OCA2: variants seen among roughly 807,000 people sequenced by gnomAD.
OCA2 encodes P protein.
Under a neutral mutation model 100.2 loss-of-function variants are expected in OCA2, and 77 were observed. The ratio of observed to expected loss-of-function variants is 0.77; its 90% CI spans 0.64 to 0.93. The LOEUF is 0.93. OCA2 is among the 40% of genes least tolerant of loss of function. The pLI is 0.00. For synonymous variants in OCA2, 432 were observed against 439.2 expected (o/e 0.98, Z 0.21); for missense variants, 1,062 against 1,089.1 (o/e 0.98, Z 0.35).
chr15:27,865,640 G>A, intron 21 of OCA2, among the ~76,000 whole-genome samples: 1 of 152,262 alleles, frequency 6.6e-6, no homozygotes, highest in Non-Finnish European at 1.5e-5. Context: ...TTACTCTAAG[G>A]GTGTTTGGTT....
In OCA2 at chr15:27,986,615, G is replaced by A. The variant is rs144812594; in HGVS notation, c.1211C>T (p.Thr404Met). The change falls in exon 12 of 24, where the codon ACG becomes ATG. Residue 404 changes from threonine (T) to methionine (M), a missense_variant. Coordinates refer to ENST00000354638, the MANE Select transcript of OCA2 (RefSeq NM_000275.3). ...TACAGCACAATAATCGAAAAATCCC[G>A]TTTCTGAAAATATGGCTACTAAGAT... ...MMILVAIFSE[T>M]GFFDYCAVKA... The A allele has an allele frequency of 3.9e-5, 63 of 1,595,142 alleles. No individual in the cohort carries two copies. The African/African-American group carries it at 5.6e-4, about 14-fold the overall frequency.
chr15:27,927,968 T>C (rs539833914), intron 18 of OCA2, among the ~76,000 whole-genome samples: 1 of 152,018 alleles, frequency 6.6e-6, no homozygotes, highest in South Asian at 2.1e-4. Context: ...ATTTTTGTAT[T>C]TTCAGTAGAG....
At chr15:27,933,270 G>A (rs1008599861) in intron 18 of OCA2, among the ~76,000 whole-genome samples, 4 of 147,594 alleles carry the variant, frequency 2.7e-5, no homozygotes, top group African/African-American at 9.9e-5. Flanking sequence ...ACTTGGCAGT[G>A]ATTTCTAGGC....
At chr15:28,055,349 A>T (rs2043657685) in intron 2 of OCA2, among the ~76,000 whole-genome samples, 1 of 125,824 alleles carries the variant, frequency 7.9e-6, no homozygotes. Context: ...ATTTTTCCCC[A>T]AAACTTTTAT....
At chr15:27,881,518 T>C (rs2037014898) in intron 19 of OCA2, among the ~76,000 whole-genome samples, 1 of 152,080 alleles carries the variant, frequency 6.6e-6, no homozygotes, top group Non-Finnish European at 1.5e-5. Flanking sequence ...GGTAGGCTGT[T>C]AAATATTCAT....
chr15:28,012,838 T>C (rs1310928702), intron 9 of OCA2, among the ~76,000 whole-genome samples: 2 of 152,194 alleles, frequency 1.3e-5, no homozygotes, highest in African/African-American at 4.8e-5. Context: ...TTAAAGCACA[T>C]TGAATTTATT....
In OCA2 at chr15:27,979,866, G is replaced by C. The variant is rs567083327; in HGVS notation, c.1503+3479C>G. ...AAGCACGTGCCACCATGCCCAGCTAGTGTTTTTTTTTTTTTTTTTTTGGAT... is the reference window on the plus strand; with the variant it reads ...AAGCACGTGCCACCATGCCCAGCTACTGTTTTTTTTTTTTTTTTTTTGGAT... On this transcript the variant is annotated intron_variant, in intron 14 of 23. Coordinates refer to ENST00000354638, the MANE Select transcript of OCA2 (RefSeq NM_000275.3). 2.0e-3 allele frequency among the ~76,000 whole-genome samples: 206 copies of C among 100,662 alleles called. 1 individual carries two copies. The highest frequency in any genetic ancestry group is 6.2e-3 in the African/African-American group (196 of 31,654). The allele number at this position is 100,662 out of a possible 152,430, so 66.0% of individuals were successfully genotyped here. A position where few individuals can be genotyped will look rare whatever the true frequency, so the allele number is the denominator to read the frequency against.
In OCA2 at chr15:27,983,403, G is replaced by A; in HGVS notation, c.1445C>T (p.Thr482Ile). The change falls in exon 14 of 24, where the codon ACT (threonine) becomes ATT (isoleucine). Residue 482 changes from threonine (T) to isoleucine (I), a missense_variant. Thr to Ile is a moderately conservative substitution (Grantham distance 89, BLOSUM62 -1). Transcript: ENST00000354638. ...VIFTNIGGAA[T>I]AIGDPPNVII... is the part of the protein sequence containing the mutation. The stretch of plus-strand genomic sequence containing the variant: ...GACATTTGGAGGGTCCCCGATGGCA[G>A]TGGCAGCTCCTCCAATGTTTGTGAA... 4 of 1,614,224 alleles carry A rather than the reference G, an allele frequency of 2.5e-6. No homozygotes were observed. The highest frequency in any genetic ancestry group is 3.4e-6 in the Non-Finnish European group (4 of 1,180,046).
chr15:27,750,292 C>G (rs1358543801), downstream of OCA2, among the ~76,000 whole-genome samples: 1 of 152,158 alleles, frequency 6.6e-6, no homozygotes, highest in Non-Finnish European at 1.5e-5. Context: ...CAGAACTACA[C>G]CCCTCTTTGG....
At chr15:27,948,223 C>T (rs1389790059) in intron 18 of OCA2, among the ~76,000 whole-genome samples, 1 of 152,084 alleles carries the variant, frequency 6.6e-6, no homozygotes, top group Non-Finnish European at 1.5e-5. Flanking sequence ...CTCATTGTGC[C>T]ACGTGCCAGC....
intron 19 of OCA2, among the ~76,000 whole-genome samples, chr15:27,898,563 C>T (rs2037802293): frequency 6.6e-6 from 1 of 152,200 alleles, no homozygotes; most frequent in Non-Finnish European, 1.5e-5. Context: ...CATTAAATCT[C>T]TTTCTTCCCT....
chr15:27,821,744 T>A (rs1566991882), intron 23 of OCA2, among the ~76,000 whole-genome samples: 1 of 152,006 alleles, frequency 6.6e-6, no homozygotes, highest in Non-Finnish European at 1.5e-5. Flanking sequence ...TGCATACATA[T>A]AAGCTCGCAT....
chr15:28,050,117 GA>G (rs529998452), intron 2 of OCA2, among the ~76,000 whole-genome samples: 3 of 150,370 alleles, frequency 2.0e-5, no homozygotes, highest in African/African-American at 7.3e-5. Flanking sequence ...CATCTCTCCA[GA>G]AAAAAAAATG....
intron 23 of OCA2, among the ~76,000 whole-genome samples, chr15:27,821,692 GCACACATA>G (rs1555411507): frequency 6.6e-6 from 1 of 151,582 alleles, no homozygotes; most frequent in Non-Finnish European, 1.5e-5. Context: ...ACCCACACAT[GCACACATA>G]CACACATAAT....
chr15:28,089,001 C>T (rs958828102), intron 1 of OCA2, among the ~76,000 whole-genome samples: 2 of 152,198 alleles, frequency 1.3e-5, no homozygotes, highest in Non-Finnish European at 2.9e-5. Context: ...CCGTAAAAGA[C>T]AGACGTCCCC....
chr15:27,929,630 T>C (rs2039170827), intron 18 of OCA2, among the ~76,000 whole-genome samples: 1 of 152,052 alleles, frequency 6.6e-6, no homozygotes, highest in South Asian at 2.1e-4. Flanking sequence ...AAAAAAATCA[T>C]ATTAATTGGA....
At chr15:27,794,251 C>G (rs2033224693) in intron 23 of OCA2, among the ~76,000 whole-genome samples, 1 of 152,084 alleles carries the variant, frequency 6.6e-6, no homozygotes, top group African/African-American at 2.4e-5. Context: ...ACCACAGGGG[C>G]CCTGGTGTGG....
intron 1 of OCA2, among the ~76,000 whole-genome samples, chr15:28,090,894 T>C (rs1256998863): frequency 6.6e-6 from 1 of 151,914 alleles, no homozygotes; most frequent in Non-Finnish European, 1.5e-5. Flanking sequence ...AAAAAATCAA[T>C]GAAACCAAGA....
intron 18 of OCA2, among the ~76,000 whole-genome samples, chr15:27,945,208 T>G (rs2039789570): frequency 6.6e-6 from 1 of 152,298 alleles, no homozygotes; most frequent in South Asian, 2.1e-4. Context: ...CTAAGAAGTA[T>G]GCCTCAGCCA....
Sources: gnomAD v4.1 joint callset for allele counts (sites outside exome capture counted in the v4.1 genomes callset) on GRCh38, gnomAD v4.1.1 for gene constraint, MANE v1.5 for transcripts, NCBI Gene and HGNC (gene_info 2026-07-23, HGNC 2026-07-21) for gene names.